The following COL25A1 variants were observed in gnomAD, a reference collection of about 807,000 sequenced individuals.
COL25A1 encodes the protein collagen alpha-1(XXV) chain.
In COL25A1, 103 loss-of-function variants were observed where a neutral mutation model predicts 128.4. The observed-to-expected ratio is 0.80, with a 90% CI of 0.68 to 0.94. The LOEUF (loss-of-function observed/expected upper bound fraction) is 0.94. Among genes scored for constraint, COL25A1 ranks in the 40% least tolerant of loss-of-function variants. The pLI is 0.00. For missense variants in COL25A1, 745 were observed against 840.0 expected, an observed-to-expected ratio of 0.89 and a Z score of 1.40; for synonymous variants, 279 against 277.2, an observed-to-expected ratio of 1.01 and a Z score of -0.06.
chr4:108,944,510 C>G (rs970027842), intron 8 of COL25A1, among the ~76,000 whole-genome samples: 1 of 151,916 alleles, frequency 6.6e-6, no homozygotes, highest in Non-Finnish European at 1.5e-5. Context: ...TGATTAGTGG[C>G]GATAAATCAT....
chr4:109,007,309 A>T (rs1390602909), intron 6 of COL25A1, among the ~76,000 whole-genome samples: 3 of 152,214 alleles, frequency 2.0e-5, no homozygotes, highest in Non-Finnish European at 4.4e-5. Context: ...CAAGCACCAA[A>T]TGCAAAACTT....
At chr4:109,085,446 T>C (rs1231524822) in intron 3 of COL25A1, among the ~76,000 whole-genome samples, 1 of 152,198 alleles carries the variant, frequency 6.6e-6, no homozygotes, top group Admixed American at 6.5e-5. Context: ...TGATTCCACT[T>C]ACTCCGTCTC....
intron 3 of COL25A1, among the ~76,000 whole-genome samples, chr4:109,164,831 C>A (rs1234606182): frequency 6.6e-6 from 1 of 152,148 alleles, no homozygotes; most frequent in Non-Finnish European, 1.5e-5. Flanking sequence ...AAACTTCCAG[C>A]CCAGTCTATC....
intron 19 of COL25A1, among the ~76,000 whole-genome samples, chr4:108,882,259 C>CTT (rs10630143): frequency 0.53 from 75,490 of 143,266 alleles, 20,552 homozygotes; most frequent in East Asian, 0.92. Context: ...ATCAAAATTG[C>CTT]TTTTTTTTTT....
chr4:108,920,037 C>T (rs1162959698), intron 12 of COL25A1, among the ~76,000 whole-genome samples: 1 of 152,168 alleles, frequency 6.6e-6, no homozygotes, highest in African/African-American at 2.4e-5. Flanking sequence ...GCTGGGATTA[C>T]AGGCATGAGC....
At chr4:108,994,032 A>G (rs1452541987) in intron 6 of COL25A1, among the ~76,000 whole-genome samples, 1 of 152,300 alleles carries the variant, frequency 6.6e-6, no homozygotes, top group African/African-American at 2.4e-5. Flanking sequence ...AACTCCCAGC[A>G]AGATTGACAC....
At chr4:109,134,297 T>C (rs960707850) in intron 3 of COL25A1, among the ~76,000 whole-genome samples, 3 of 151,750 alleles carry the variant, frequency 2.0e-5, no homozygotes, top group Middle Eastern at 3.4e-3. Context: ...ATGTAGAAGA[T>C]AGATTAGACA....
chr4:109,227,900 G>A (rs933361168), intron 3 of COL25A1, among the ~76,000 whole-genome samples: 4 of 152,220 alleles, frequency 2.6e-5, no homozygotes, highest in Admixed American at 6.5e-5. Context: ...CTGGGATGCT[G>A]GTAATGGTGG....
chr4:109,233,340 G>A (rs896404941), intron 3 of COL25A1, among the ~76,000 whole-genome samples: 7 of 152,030 alleles, frequency 4.6e-5, no homozygotes, highest in African/African-American at 1.7e-4. Flanking sequence ...GTCCCTACAT[G>A]TTAATTACGC....
intron 3 of COL25A1, among the ~76,000 whole-genome samples, chr4:109,108,034 T>A (rs1402396531): frequency 1.3e-5 from 2 of 152,198 alleles, no homozygotes; most frequent in African/African-American, 4.8e-5. Flanking sequence ...ACATGGCCAA[T>A]TTTTTTAAAT....
rs1759228866 is a variant in COL25A1 at position 109,035,234 on chromosome 4, CCTT to C, written c.420+12931_420+12933del. 3.3e-5 allele frequency among the ~76,000 whole-genome samples: 5 copies of C among 152,300 alleles called. No individual in the cohort carries two copies. In the South Asian group the frequency reaches 1.0e-3, roughly 32 times the overall value. ...TGACTTCCAGTCCCCAAGCAAGAAA[CCTT>C]CTAATGTAAACCATCGATTAACTGT... On this transcript the variant is annotated intron_variant, in intron 5 of 37. Coordinates refer to ENST00000399132, the MANE Select transcript of COL25A1 (RefSeq NM_198721.4).
At chr4:109,067,746 G>A (rs1762576693) in intron 3 of COL25A1, among the ~76,000 whole-genome samples, 1 of 152,074 alleles carries the variant, frequency 6.6e-6, no homozygotes, top group Non-Finnish European at 1.5e-5. Context: ...ATTTTTTTGA[G>A]GCCAAGACTA....
intron 6 of COL25A1, among the ~76,000 whole-genome samples, chr4:108,979,934 T>G (rs1752800692): frequency 6.6e-6 from 1 of 151,618 alleles, no homozygotes; most frequent in South Asian, 2.1e-4. Context: ...TATCCAGGAG[T>G]AAGGCGATGG....
intron 3 of COL25A1, among the ~76,000 whole-genome samples, chr4:109,066,731 T>G (rs1762485070): frequency 6.6e-6 from 1 of 152,140 alleles, no homozygotes; most frequent in Non-Finnish European, 1.5e-5. Flanking sequence ...GGCATGATCA[T>G]AGCTCACTGC....
chr4:108,913,263 T>TTTTTTTTTTTTC (rs1744464755), intron 13 of COL25A1, among the ~76,000 whole-genome samples: 1 of 99,224 alleles, frequency 1.0e-5, no homozygotes, highest in Non-Finnish European at 2.4e-5. Context: ...TCTAGCTCCT[T>TTTTTTTTTTTTC]TTTTTTTTTT....
chr4:109,079,975 G>A (rs1294115410), intron 3 of COL25A1, among the ~76,000 whole-genome samples: 2 of 152,028 alleles, frequency 1.3e-5, no homozygotes, highest in East Asian at 1.9e-4. Context: ...CAGTATAGAG[G>A]TGTTTATACT....
At chr4:108,913,483 C>T (rs976195478) in intron 13 of COL25A1, among the ~76,000 whole-genome samples, 5 of 151,858 alleles carry the variant, frequency 3.3e-5, no homozygotes, top group African/African-American at 9.7e-5. Flanking sequence ...GTCTCGAACT[C>T]CCGACCTCAG....
intron 14 of COL25A1, 23 bp downstream of exon 14, chr4:108,901,096 T>C (rs753708218): frequency 6.3e-7 from 1 of 1,581,190 alleles, no homozygotes; most frequent in South Asian, 1.1e-5. Context: ...CAAATGATTC[T>C]GCTTGGCTTT....
intron 8 of COL25A1, among the ~76,000 whole-genome samples, chr4:108,963,686 G>A (rs897831069): frequency 6.6e-6 from 1 of 151,726 alleles, no homozygotes; most frequent in Non-Finnish European, 1.5e-5. Flanking sequence ...GTTTGAGAGA[G>A]GATTATTAAT....
Sources: gnomAD v4.1 joint callset for allele counts (sites outside exome capture counted in the v4.1 genomes callset) on GRCh38, gnomAD v4.1.1 for gene constraint, MANE v1.5 for transcripts, NCBI Gene and HGNC (gene_info 2026-07-23, HGNC 2026-07-21) for gene names.